The following ECD variants were observed in gnomAD, a reference collection of about 807,000 sequenced individuals.
ECD encodes ecdysoneless cell cycle regulator, also known as protein ecdysoneless homolog.
In ECD, 59 loss-of-function variants were observed where a neutral mutation model predicts 77.2. The ratio of observed to expected loss-of-function variants is 0.76; its 90% CI spans 0.62 to 0.95. The LOEUF (loss-of-function observed/expected upper bound fraction) is 0.95. Among genes scored for constraint, ECD ranks in the 40% least tolerant of loss-of-function variants. The pLI, the probability that ECD is intolerant of heterozygous loss-of-function variation, is 0.00. For missense variants in ECD, 704 were observed against 763.4 expected (o/e 0.92, Z 0.92); for synonymous variants, 233 against 267.4 (o/e 0.87, Z 1.26).
intron 1 of ECD, among the ~76,000 whole-genome samples, chr10:73,166,488 T>C (rs1190097950): frequency 6.6e-6 from 1 of 152,230 alleles, no homozygotes; most frequent in East Asian, 1.9e-4. Flanking sequence ...ATTGCCTGTC[T>C]TATGGATAAC....
At chr10:73,138,903 T>C (rs1368700623) in intron 11 of ECD, among the ~76,000 whole-genome samples, 1 of 152,180 alleles carries the variant, frequency 6.6e-6, no homozygotes, top group Non-Finnish European at 1.5e-5. Flanking sequence ...TTCCTGTTAT[T>C]TGCCAAATGT....
intron 5 of ECD, among the ~76,000 whole-genome samples, 169 bp downstream of exon 5, chr10:73,156,106 A>C (rs1456538056): frequency 6.6e-6 from 1 of 152,224 alleles, no homozygotes; most frequent in Admixed American, 6.5e-5. Context: ...AGAGGAATGA[A>C]GACAAAATGA....
intron 5 of ECD, among the ~76,000 whole-genome samples, chr10:73,155,288 G>A (rs555950151): frequency 6.6e-5 from 10 of 151,900 alleles, no homozygotes; most frequent in African/African-American, 2.4e-4. Context: ...GGATGGTCTC[G>A]ATCTCTTGAC....
At chr10:73,145,694 C>G (rs922669185) in intron 9 of ECD, among the ~76,000 whole-genome samples, 6 of 136,998 alleles carry the variant, frequency 4.4e-5, no homozygotes, top group African/African-American at 1.7e-4. Flanking sequence ...GAGTCTCGCT[C>G]TGTCCCCAGG....
At chr10:73,135,745 T>A (rs943492827) in intron 13 of ECD, among the ~76,000 whole-genome samples, 23 of 150,918 alleles carry the variant, frequency 1.5e-4, no homozygotes, top group African/African-American at 4.9e-4. Context: ...ATAATAATAA[T>A]AAAATAAAAC....
chr10:73,147,836 C>A (rs1276301640), intron 8 of ECD, among the ~76,000 whole-genome samples: 1 of 151,874 alleles, frequency 6.6e-6, no homozygotes, highest in Non-Finnish European at 1.5e-5. Context: ...TCATTCATAT[C>A]CTTTTGTACA....
chr10:73,134,819 T>G lies in ECD; in HGVS notation c.1705-6A>C, dbSNP rs924750878. On this transcript the variant is annotated splice_polypyrimidine_tract_variant and splice_region_variant and intron_variant, in intron 13 of 13. Coordinates refer to ENST00000372979, the MANE Select transcript of ECD (RefSeq NM_007265.3). ...GTAGTCTGGGATACAGGTTCCTTAT[T>G]CATAGAGGGAAAAGAAAATTATGGG... 1.9e-6 allele frequency: 3 copies of G among 1,611,906 alleles called. No individual in the cohort carries two copies. Among genetic ancestry groups the G allele is most frequent in the Middle Eastern group, 1.6e-4 (1 of 6,078 alleles).
At chr10:73,167,278 C>T (rs753276524) in intron 1 of ECD, among the ~76,000 whole-genome samples, 8 of 152,094 alleles carry the variant, frequency 5.3e-5, no homozygotes, top group Non-Finnish European at 7.4e-5. Flanking sequence ...TTTGGCTATT[C>T]TGGCTCTTTT....
intron 11 of ECD, 47 bp downstream of exon 11, chr10:73,139,262 C>A (rs2133248234): frequency 1.9e-5 from 27 of 1,420,374 alleles, no homozygotes; most frequent in Middle Eastern, 2.0e-4. Flanking sequence ...ATGACTTCAA[C>A]ATTTGGGTTC....
At chr10:73,157,913 T>C (rs988118425) in intron 3 of ECD, among the ~76,000 whole-genome samples, 2 of 151,886 alleles carry the variant, frequency 1.3e-5, no homozygotes, top group African/African-American at 4.8e-5. Context: ...TATATACTGT[T>C]ATATATCGTT....
intron 5 of ECD, among the ~76,000 whole-genome samples, chr10:73,155,894 G>A (rs1843289657): frequency 6.6e-6 from 1 of 152,058 alleles, no homozygotes; most frequent in South Asian, 2.1e-4. Flanking sequence ...GTGAGCCATC[G>A]CTCCAGGCCC....
intron 12 of ECD, among the ~76,000 whole-genome samples, chr10:73,137,360 A>T (rs2133246037): frequency 6.6e-6 from 1 of 152,296 alleles, no homozygotes; most frequent in South Asian, 2.1e-4. Flanking sequence ...TACATATTAT[A>T]ATTATTTTTT....
At chr10:73,162,509 A>T (rs748429914) in intron 2 of ECD, among the ~76,000 whole-genome samples, 1 of 152,244 alleles carries the variant, frequency 6.6e-6, no homozygotes, top group Non-Finnish European at 1.5e-5. Context: ...CTTGCCAATA[A>T]ATATCATATG....
chr10:73,156,372 G>C lies in ECD; in HGVS notation c.493C>G (p.Pro165Ala). The C allele has an allele frequency of 2.5e-6, 4 of 1,613,686 alleles. No individual in the cohort carries two copies. Among genetic ancestry groups the C allele is most frequent in the Non-Finnish European group, 3.4e-6 (4 of 1,179,924 alleles). Residue 165 changes from proline (P) to alanine (A), a missense_variant, in exon 5 of 14, where the codon CCA becomes GCA. By Grantham distance (27) the Pro-to-Ala change is conservative. Coordinates refer to ENST00000372979, the MANE Select transcript of ECD (RefSeq NM_007265.3). ...GAESWLPTTP[P>A]TIPQALNIIT... ...ATATTCAATGCTTGTGGAATTGTTGGGGGTGTGGTGGGTAACCAAGATTCT... is the reference window on the plus strand; with the variant it reads ...ATATTCAATGCTTGTGGAATTGTTGCGGGTGTGGTGGGTAACCAAGATTCT...
chr10:73,142,556 C>T (rs1260427235), intron 9 of ECD, among the ~76,000 whole-genome samples: 5 of 151,138 alleles, frequency 3.3e-5, no homozygotes, highest in Non-Finnish European at 7.4e-5. Flanking sequence ...ATCGCTTGAA[C>T]CCGGGAGGTG....
At chr10:73,154,180 G>A (rs1391318782) in intron 6 of ECD, 76 bp downstream of exon 6, 1 of 1,425,954 alleles carries the variant, frequency 7.0e-7, no homozygotes, top group Non-Finnish European at 9.3e-7. Context: ...ACTGAGAAAT[G>A]TAAAAAGAAA....
intron 9 of ECD, among the ~76,000 whole-genome samples, chr10:73,145,833 C>T (rs1472929516): frequency 5.9e-5 from 9 of 151,944 alleles, no homozygotes; most frequent in East Asian, 1.9e-4. Context: ...TTAGTAGATA[C>T]GGGGTTTCAC....
chr10:73,147,686 G>A (rs749936854), intron 8 of ECD, among the ~76,000 whole-genome samples: 16 of 152,072 alleles, frequency 1.1e-4, no homozygotes, highest in Admixed American at 2.6e-4. Context: ...TATTCAAAGT[G>A]AAGGTTCCAA....
chr10:73,135,523 C>A (rs570710399), intron 13 of ECD, among the ~76,000 whole-genome samples: 2 of 152,132 alleles, frequency 1.3e-5, no homozygotes, highest in East Asian at 1.9e-4. Context: ...GCTCCAGAGA[C>A]TAGCCTGGCC....
Sources: allele counts gnomAD v4.1 joint callset (sites outside exome capture counted in the v4.1 genomes callset), GRCh38; gene constraint gnomAD v4.1.1; transcripts MANE v1.5; gene names NCBI Gene and HGNC (gene_info 2026-07-23, HGNC 2026-07-21).